CSMD3: variants seen among roughly 807,000 people sequenced by gnomAD.
CSMD3 encodes the protein CUB and sushi domain-containing protein 3.
In CSMD3, 177 loss-of-function variants were observed where a neutral mutation model predicts 435.2. The ratio of observed to expected loss-of-function variants is 0.41; its 90% CI spans 0.36 to 0.46. The LOEUF (loss-of-function observed/expected upper bound fraction) is 0.46, where lower values mean the gene tolerates loss of function less well. Ranked by LOEUF, CSMD3 falls within the 20% of genes least tolerant of loss-of-function variation. The pLI, the probability that CSMD3 is intolerant of heterozygous loss-of-function variation, is 0.34. For missense variants in CSMD3, 4,265 were observed against 4,504.6 expected, an observed-to-expected ratio of 0.95 and a Z score of 1.52; for synonymous variants, 1,656 against 1,520.5, an observed-to-expected ratio of 1.09 and a Z score of -2.07.
chr8:113,385,870 T>A (rs2094437068), intron 1 of CSMD3, among the ~76,000 whole-genome samples: 1 of 152,128 alleles, frequency 6.6e-6, no homozygotes, highest in African/African-American at 2.4e-5. Context: ...TTTAATTTGC[T>A]TTTTATTAAA....
At chr8:113,090,972 T>C (rs2131509336) in intron 5 of CSMD3, among the ~76,000 whole-genome samples, 1 of 152,110 alleles carries the variant, frequency 6.6e-6, no homozygotes, top group East Asian at 1.9e-4. Flanking sequence ...TAGAAACTAT[T>C]AGAAAAAAAT....
At chr8:113,337,676 C>G (rs918119265) in intron 1 of CSMD3, among the ~76,000 whole-genome samples, 1 of 151,568 alleles carries the variant, frequency 6.6e-6, no homozygotes, top group Non-Finnish European at 1.5e-5. Context: ...TAAATGATAC[C>G]ATAAGGAAAC....
intron 22 of CSMD3, among the ~76,000 whole-genome samples, chr8:112,631,836 T>G (rs1435223749): frequency 2.6e-5 from 4 of 151,954 alleles, no homozygotes; most frequent in African/African-American, 9.7e-5. Context: ...CATACTGGCA[T>G]CATCCTTTCC....
In CSMD3 at chr8:113,139,967, T is replaced by C. The variant is rs555965835; in HGVS notation, c.709+33755A>G. ...TTTACAATGGCTTGACTTATAGTCT[T>C]TTGGGTTTATTATGGTGCAAATGCA... On this transcript the variant is annotated intron_variant, in intron 4 of 70. Coordinates refer to ENST00000297405, the MANE Select transcript of CSMD3 (RefSeq NM_198123.2). 2.0e-5 allele frequency among the ~76,000 whole-genome samples: 3 copies of C among 151,202 alleles called. No homozygotes were observed. The South Asian group carries it at 6.2e-4, about 31-fold the overall frequency.
chr8:112,594,026 G>A (rs947831580), intron 22 of CSMD3, among the ~76,000 whole-genome samples: 9 of 152,108 alleles, frequency 5.9e-5, no homozygotes, highest in South Asian at 4.1e-4. Context: ...CAAGATGGCC[G>A]AATAGGAACA....
chr8:112,824,460 T>C (rs2079618367), intron 12 of CSMD3, among the ~76,000 whole-genome samples: 1 of 152,216 alleles, frequency 6.6e-6, no homozygotes, highest in Non-Finnish European at 1.5e-5. Flanking sequence ...CCTTTCCATA[T>C]TGAGTGCTTC....
intron 20 of CSMD3, 62 bp downstream of exon 20, chr8:112,645,047 T>G: frequency 1.1e-6 from 1 of 880,694 alleles, no homozygotes. Flanking sequence ...GAAAGTGAAA[T>G]AAGAATAGAC....
intron 3 of CSMD3, among the ~76,000 whole-genome samples, chr8:113,226,920 G>T (rs1376414402): frequency 6.6e-6 from 1 of 151,504 alleles, no homozygotes; most frequent in East Asian, 1.9e-4. Context: ...CATGATACAG[G>T]ATATTGATAT....
chr8:112,319,489 T>C (rs1335776020), intron 46 of CSMD3, among the ~76,000 whole-genome samples: 1 of 152,196 alleles, frequency 6.6e-6, no homozygotes, highest in Non-Finnish European at 1.5e-5. Context: ...TAGAATCAAC[T>C]AAGCATTTTC....
intron 6 of CSMD3, among the ~76,000 whole-genome samples, chr8:113,009,985 T>C (rs913687973): frequency 6.6e-6 from 1 of 151,960 alleles, no homozygotes; most frequent in African/African-American, 2.4e-5. Context: ...ATTTGTAATA[T>C]ATTTGTCTGT....
intron 22 of CSMD3, among the ~76,000 whole-genome samples, chr8:112,634,694 T>C (rs1334802979): frequency 6.6e-6 from 1 of 151,984 alleles, no homozygotes; most frequent in Non-Finnish European, 1.5e-5. Flanking sequence ...CATAGATCCA[T>C]TTATTAAAAT....
At chr8:112,487,626 G>A (rs1368950746) in intron 31 of CSMD3, among the ~76,000 whole-genome samples, 1 of 152,094 alleles carries the variant, frequency 6.6e-6, no homozygotes, top group Non-Finnish European at 1.5e-5. Flanking sequence ...ATTGTGTTTG[G>A]AAGATACTAT....
At chr8:112,440,095 C>T (rs1260069902) in intron 32 of CSMD3, among the ~76,000 whole-genome samples, 1 of 152,140 alleles carries the variant, frequency 6.6e-6, no homozygotes, top group Non-Finnish European at 1.5e-5. Context: ...CAAGGCAAGT[C>T]CCTTCTATCT....
chr8:113,157,194 T>C (rs1409626683), intron 4 of CSMD3, among the ~76,000 whole-genome samples: 2 of 152,138 alleles, frequency 1.3e-5, no homozygotes, highest in African/African-American at 4.8e-5. Flanking sequence ...GGGTTTGCTA[T>C]GCTTAGGATT....
intron 3 of CSMD3, among the ~76,000 whole-genome samples, chr8:113,262,959 T>A (rs183818468): frequency 3.9e-5 from 6 of 152,130 alleles, no homozygotes; most frequent in Admixed American, 1.3e-4. Flanking sequence ...ATTGTGGTCG[T>A]TTGTTATGCA....
At position 112,581,396 on chromosome 8, in the gene CSMD3, T is replaced by C. The variant is rs528720847; in HGVS notation, c.3885+5670A>G. ...GTAATGTTGATTGAGTGGGCATGTTTATCTAATAATATATCACCAAATATA... is the reference window on the plus strand; with the variant it reads ...GTAATGTTGATTGAGTGGGCATGTTCATCTAATAATATATCACCAAATATA... On this transcript the variant is annotated intron_variant, in intron 23 of 70. Coordinates refer to ENST00000297405, the MANE Select transcript of CSMD3 (RefSeq NM_198123.2). 9.2e-5 allele frequency among the ~76,000 whole-genome samples: 14 copies of C among 152,222 alleles called. No individual in the cohort carries two copies. In the East Asian group the frequency reaches 2.7e-3, roughly 29 times the overall value.
chr8:112,857,808 C>T (rs1428731743), intron 11 of CSMD3, among the ~76,000 whole-genome samples: 1 of 150,646 alleles, frequency 6.6e-6, no homozygotes, highest in Non-Finnish European at 1.5e-5. Flanking sequence ...AAGTGTTCAA[C>T]AAATGTCAGT....
At chr8:112,282,748 C>G (rs941982228) in intron 58 of CSMD3, among the ~76,000 whole-genome samples, 3 of 151,974 alleles carry the variant, frequency 2.0e-5, no homozygotes, top group African/African-American at 4.8e-5. Flanking sequence ...AAGGTAAGTG[C>G]GTCATCTATC....
chr8:112,537,546 A>T (rs1050211763), intron 27 of CSMD3, among the ~76,000 whole-genome samples: 9 of 152,094 alleles, frequency 5.9e-5, no homozygotes, highest in Non-Finnish European at 2.9e-5. Context: ...AAAAAATGAG[A>T]CATTAAAACT....
Sources: allele counts gnomAD v4.1 joint callset (sites outside exome capture counted in the v4.1 genomes callset), GRCh38; gene constraint gnomAD v4.1.1; transcripts MANE v1.5; gene names NCBI Gene and HGNC (gene_info 2026-07-23, HGNC 2026-07-21).